Variants in LRRC4C observed in about 807,000 individuals in gnomAD.
LRRC4C encodes the protein leucine rich repeat containing 4C, also known as leucine-rich repeat-containing protein 4C.
In LRRC4C, 5 loss-of-function variants were observed where a neutral mutation model predicts 33.6. The observed-to-expected ratio is 0.15, with a 90% CI of 0.08 to 0.31. The LOEUF (loss-of-function observed/expected upper bound fraction) is 0.31. LRRC4C is among the 10% of genes least tolerant of loss of function. The pLI is 1.00. For synonymous variants in LRRC4C, 329 were observed against 302.0 expected (o/e 1.09, Z -0.93); for missense variants, 560 against 796.7 (o/e 0.70, Z 3.58).
At chr11:40,996,991 C>A (rs355248) in intron 1 of LRRC4C, among the ~76,000 whole-genome samples, 88,899 of 151,738 alleles carry the variant, frequency 0.59, 26,245 homozygotes, top group South Asian at 0.67. Flanking sequence ...CTATATCACC[C>A]CAAGTGGGGT....
chr11:41,405,187 A>C (rs1018758928), intron 1 of LRRC4C, among the ~76,000 whole-genome samples: 1 of 152,106 alleles, frequency 6.6e-6, no homozygotes, highest in Non-Finnish European at 1.5e-5. Flanking sequence ...AAATCTCCAA[A>C]CCAAGAAGGT....
At chr11:41,398,463 A>T (rs926723546) in intron 1 of LRRC4C, among the ~76,000 whole-genome samples, 1 of 152,068 alleles carries the variant, frequency 6.6e-6, no homozygotes. Flanking sequence ...TTAAAGATGG[A>T]AATCCCTGAA....
chr11:40,819,779 G>T (rs1373266123), intron 2 of LRRC4C, among the ~76,000 whole-genome samples: 1 of 148,248 alleles, frequency 6.7e-6, no homozygotes, highest in African/African-American at 2.6e-5. Flanking sequence ...GAAAACTGAA[G>T]GGTTACTGTT....
chr11:40,234,379 C>A (rs576258161), intron 5 of LRRC4C, among the ~76,000 whole-genome samples: 22 of 152,174 alleles, frequency 1.4e-4, no homozygotes, highest in Admixed American at 7.2e-4. Context: ...AAACCCCGAG[C>A]CCCAGATCCA....
At chr11:40,748,153 A>G (rs1948516680) in intron 2 of LRRC4C, among the ~76,000 whole-genome samples, 1 of 152,156 alleles carries the variant, frequency 6.6e-6, no homozygotes, top group Non-Finnish European at 1.5e-5. Context: ...TTTAAAAACC[A>G]CAAGAGAAAT....
At chr11:40,501,882 T>C (rs1217107158) in intron 3 of LRRC4C, among the ~76,000 whole-genome samples, 1 of 152,210 alleles carries the variant, frequency 6.6e-6, no homozygotes, top group African/African-American at 2.4e-5. Context: ...TTCTATCCTA[T>C]TGTCAGGCTG....
intron 3 of LRRC4C, among the ~76,000 whole-genome samples, chr11:40,499,328 T>C (rs1385756519): frequency 6.6e-6 from 1 of 152,100 alleles, no homozygotes; most frequent in Admixed American, 6.6e-5. Flanking sequence ...CCATACTGAG[T>C]CAGAAAATGT....
At chr11:40,817,420 G>A (rs1407049517) in intron 2 of LRRC4C, among the ~76,000 whole-genome samples, 5 of 152,178 alleles carry the variant, frequency 3.3e-5, no homozygotes, top group African/African-American at 9.6e-5. Flanking sequence ...ACTGGGATCT[G>A]AAGGACCCTG....
At chr11:41,363,865 C>G (rs1952441737) in intron 1 of LRRC4C, among the ~76,000 whole-genome samples, 1 of 152,134 alleles carries the variant, frequency 6.6e-6, no homozygotes, top group South Asian at 2.1e-4. Flanking sequence ...ACAGAAGTTT[C>G]AGTTAAATTG....
chr11:40,164,193 G>A (rs750581321), intron 5 of LRRC4C, among the ~76,000 whole-genome samples: 1 of 152,144 alleles, frequency 6.6e-6, no homozygotes, highest in Non-Finnish European at 1.5e-5. Context: ...AATTACTTAA[G>A]CTTAACACAA....
intron 3 of LRRC4C, among the ~76,000 whole-genome samples, chr11:40,590,043 A>C (rs2135725280): frequency 6.6e-6 from 1 of 151,686 alleles, no homozygotes; most frequent in Non-Finnish European, 1.5e-5. Context: ...AGATTGGGGA[A>C]GTTCTCCTGG....
At chr11:41,101,543 TTGG>T (rs1941185212) in intron 1 of LRRC4C, among the ~76,000 whole-genome samples, 1 of 152,158 alleles carries the variant, frequency 6.6e-6, no homozygotes, top group African/African-American at 2.4e-5. Context: ...TTATACACTG[TTGG>T]TGGGAGTGCA....
At chr11:41,108,871 TG>T (rs1941666076) in intron 1 of LRRC4C, among the ~76,000 whole-genome samples, 1 of 152,120 alleles carries the variant, frequency 6.6e-6, no homozygotes, top group Non-Finnish European at 1.5e-5. Context: ...AAAATGTATT[TG>T]TTTGATGTCT....
At chr11:40,423,231 T>C (rs1950584235) in intron 3 of LRRC4C, among the ~76,000 whole-genome samples, 1 of 152,026 alleles carries the variant, frequency 6.6e-6, no homozygotes, top group Admixed American at 6.5e-5. Flanking sequence ...TAAATGTGCA[T>C]CATGTCTGTA....
chr11:40,604,755 A>G (rs949991283), intron 3 of LRRC4C, among the ~76,000 whole-genome samples: 5 of 152,112 alleles, frequency 3.3e-5, no homozygotes, highest in African/African-American at 1.2e-4. Flanking sequence ...TATGCTAAAG[A>G]TGAGATAAAA....
Position 40,546,064 on chromosome 11 carries a change from TCCTTCCTTCCTTCCTTCCTA to T in LRRC4C, c.-270+102058_-270+102077del, listed in dbSNP as rs1347959853. Among the ~76,000 whole-genome samples, 4 of 120,976 alleles carry T rather than the reference TCCTTCCTTCCTTCCTTCCTA, an allele frequency of 3.3e-5. No individual in the cohort carries two copies. The South Asian group carries it at 7.3e-4, about 22-fold the overall frequency. 79.4% of individuals were successfully genotyped at this position (120,976 alleles called of 152,430 possible). ...GCATTTTATTTCTCCAAGTCTTCCT[TCCTTCCTTCCTTCCTTCCTA>T]CCTTCCTTCCTTCCTTCCTTCCTTC... On this transcript the variant is annotated intron_variant, in intron 3 of 6. Transcript: ENST00000528697.
chr11:40,966,881 G>C (rs1408794430), intron 1 of LRRC4C, among the ~76,000 whole-genome samples: 14 of 151,952 alleles, frequency 9.2e-5, no homozygotes, highest in Admixed American at 9.2e-4. Context: ...ATGAATGTGA[G>C]TCATACCTTG....
intron 1 of LRRC4C, among the ~76,000 whole-genome samples, chr11:41,249,160 G>T (rs1019202996): frequency 6.6e-6 from 1 of 151,118 alleles, no homozygotes; most frequent in African/African-American, 2.4e-5. Flanking sequence ...TCAGCCTCCC[G>T]AGTACCTGGG....
At chr11:40,634,196 A>G (rs1963753054) in intron 3 of LRRC4C, among the ~76,000 whole-genome samples, 1 of 152,220 alleles carries the variant, frequency 6.6e-6, no homozygotes, top group African/African-American at 2.4e-5. Flanking sequence ...AACAGTATAA[A>G]CTAAGTGGTT....
Sources: gnomAD v4.1 joint callset for allele counts (sites outside exome capture counted in the v4.1 genomes callset) on GRCh38, gnomAD v4.1.1 for gene constraint, MANE v1.5 for transcripts, NCBI Gene and HGNC (gene_info 2026-07-23, HGNC 2026-07-21) for gene names.